The following SH3RF3 variants were observed in gnomAD, a reference collection of about 807,000 sequenced individuals.
SH3RF3 encodes SH3 domain containing ring finger 3, also known as E3 ubiquitin-protein ligase SH3RF3.
In SH3RF3, 29 loss-of-function variants were observed where a neutral mutation model predicts 66.3. The observed-to-expected ratio is 0.44, with a 90% CI of 0.33 to 0.60. SH3RF3 has a LOEUF of 0.60. SH3RF3 is among the 20% of genes least tolerant of loss of function. SH3RF3 has a pLI of 0.04. For missense variants in SH3RF3, 1,194 were observed against 1,190.9 expected, an observed-to-expected ratio of 1.00 and a Z score of -0.04; for synonymous variants, 583 against 532.0, an observed-to-expected ratio of 1.10 and a Z score of -1.32.
chr2:109,356,876 G>A (rs768040311), intron 2 of SH3RF3, among the ~76,000 whole-genome samples: 6 of 152,016 alleles, frequency 3.9e-5, no homozygotes, highest in African/African-American at 1.4e-4. Flanking sequence ...CCCCCACAGC[G>A]CTCTCACTTC....
At chr2:109,323,110 C>T (rs1321281838) in intron 1 of SH3RF3, among the ~76,000 whole-genome samples, 1 of 152,154 alleles carries the variant, frequency 6.6e-6, no homozygotes, top group African/African-American at 2.4e-5. Flanking sequence ...CCACTGTGCC[C>T]GGGCTCCCAG....
rs1679406698 is a variant in SH3RF3, at chr2:109,502,173, A to G, written c.*502A>G. 1 of 148,442 alleles carries G rather than the reference A, an allele frequency of 6.7e-6. No individual in the cohort carries two copies. 9.2% of individuals were successfully genotyped at this position (148,442 alleles called of 1,614,324 possible). A position where few individuals can be genotyped will look rare whatever the true frequency, so the allele number is the denominator to read the frequency against. ...GTCACCTGCCGCCCGGCTGCTCAGC[A>G]GGGGTGTTTGTGAGGCCCTGGGGGT... On this transcript the variant is annotated 3_prime_UTR_variant, in exon 10 of 10. Coordinates refer to ENST00000309415, the MANE Select transcript of SH3RF3 (RefSeq NM_001099289.3).
At chr2:109,144,337 A>C (rs992640212) in intron 1 of SH3RF3, among the ~76,000 whole-genome samples, 1 of 152,244 alleles carries the variant, frequency 6.6e-6, no homozygotes, top group Admixed American at 6.5e-5. Flanking sequence ...AACAGGGGAA[A>C]TATAAATTTA....
At chr2:109,241,807 C>G (rs1330203886) in intron 1 of SH3RF3, among the ~76,000 whole-genome samples, 3 of 151,904 alleles carry the variant, frequency 2.0e-5, no homozygotes, top group African/African-American at 7.2e-5. Context: ...GCTCTGTCCC[C>G]CAGGCTAGAG....
intron 1 of SH3RF3, among the ~76,000 whole-genome samples, chr2:109,290,401 C>T (rs1292616635): frequency 6.6e-6 from 1 of 152,162 alleles, no homozygotes; most frequent in Non-Finnish European, 1.5e-5. Context: ...ACTCAAAGTC[C>T]CTTCAACCTG....
At chr2:109,432,341 G>A (rs1677254032) in intron 5 of SH3RF3, among the ~76,000 whole-genome samples, 160 bp from the exon 6 acceptor site, 1 of 152,188 alleles carries the variant, frequency 6.6e-6, no homozygotes, top group Non-Finnish European at 1.5e-5. Context: ...GTGAGCTGGG[G>A]AGGGTGTGTG....
chr2:109,131,997 T>A (rs1050091934), intron 1 of SH3RF3, among the ~76,000 whole-genome samples: 4 of 152,240 alleles, frequency 2.6e-5, no homozygotes, highest in African/African-American at 9.6e-5. Context: ...TGTAATAGCA[T>A]ATCAGGCATT....
At chr2:109,158,033 A>T (rs751571201) in intron 1 of SH3RF3, among the ~76,000 whole-genome samples, 1 of 152,140 alleles carries the variant, frequency 6.6e-6, no homozygotes, top group Non-Finnish European at 1.5e-5. Context: ...TGCGTGCTTC[A>T]ATTGCACTGT....
chr2:109,369,867 C>T (rs796480089), intron 2 of SH3RF3, among the ~76,000 whole-genome samples: 11 of 152,324 alleles, frequency 7.2e-5, no homozygotes, highest in African/African-American at 1.9e-4. Context: ...TCCCTCTGAC[C>T]CCAAAAGAGG....
At chr2:109,131,188 G>T (rs7582236) in intron 1 of SH3RF3, among the ~76,000 whole-genome samples, 30,922 of 152,104 alleles carry the variant, frequency 0.2, 3,904 homozygotes, top group Middle Eastern at 0.36. Flanking sequence ...CTAAGGTTAA[G>T]GTTAGGAACT....
chr2:109,408,387 T>C (rs911318702), intron 4 of SH3RF3, among the ~76,000 whole-genome samples: 10 of 152,270 alleles, frequency 6.6e-5, no homozygotes, highest in Admixed American at 2.0e-4. Context: ...CACCCAGATC[T>C]CCTGACTGCC....
intron 1 of SH3RF3, among the ~76,000 whole-genome samples, chr2:109,217,133 A>T (rs1439205388): frequency 2.6e-5 from 4 of 152,220 alleles, no homozygotes; most frequent in Admixed American, 6.5e-5. Flanking sequence ...GCTAAATCCT[A>T]TTCCATCGTA....
At chr2:109,193,081 T>G (rs957620899) in intron 1 of SH3RF3, among the ~76,000 whole-genome samples, 3 of 152,136 alleles carry the variant, frequency 2.0e-5, no homozygotes, top group African/African-American at 7.2e-5. Context: ...CAAAGGTGAG[T>G]AAATAGAAGT....
intron 2 of SH3RF3, among the ~76,000 whole-genome samples, chr2:109,350,906 C>G (rs1330772378): frequency 6.6e-6 from 1 of 152,230 alleles, no homozygotes; most frequent in Non-Finnish European, 1.5e-5. Flanking sequence ...ATGGTATAAC[C>G]TGCCTTTATA....
At chr2:109,315,959 T>C (rs555368805) in intron 1 of SH3RF3, among the ~76,000 whole-genome samples, 8 of 152,340 alleles carry the variant, frequency 5.3e-5, no homozygotes, top group African/African-American at 1.7e-4. Flanking sequence ...TTGAGATGCA[T>C]TAGCAGAAGT....
intron 1 of SH3RF3, among the ~76,000 whole-genome samples, chr2:109,176,812 CT>C (rs1162813781): frequency 2.2e-4 from 34 of 152,316 alleles, no homozygotes; most frequent in Non-Finnish European, 7.4e-5. Flanking sequence ...CAGCCGTGAA[CT>C]TTATCTTATG....
At chr2:109,367,247 A>G (rs181166565) in intron 2 of SH3RF3, among the ~76,000 whole-genome samples, 1 of 151,014 alleles carries the variant, frequency 6.6e-6, no homozygotes, top group Non-Finnish European at 1.5e-5. Context: ...TACAGGTGTG[A>G]GCCACTGTGC....
intron 7 of SH3RF3, among the ~76,000 whole-genome samples, chr2:109,443,144 G>C (rs1339834035): frequency 6.6e-6 from 1 of 152,258 alleles, no homozygotes; most frequent in Non-Finnish European, 1.5e-5. Context: ...GCGTGCATGG[G>C]TGTGTACACA....
chr2:109,456,257 G>A (rs767407287), intron 8 of SH3RF3, among the ~76,000 whole-genome samples: 8 of 152,220 alleles, frequency 5.3e-5, no homozygotes, highest in Admixed American at 1.3e-4. Context: ...AGTCAGCCCC[G>A]TGTGGCTGGG....
Sources: gnomAD v4.1 joint callset for allele counts (sites outside exome capture counted in the v4.1 genomes callset) on GRCh38, gnomAD v4.1.1 for gene constraint, MANE v1.5 for transcripts, NCBI Gene and HGNC (gene_info 2026-07-23, HGNC 2026-07-21) for gene names.